CEP57L1: variants seen among roughly 807,000 people sequenced by gnomAD.
CEP57L1 encodes the protein centrosomal protein 57 like 1, also known as centrosomal protein CEP57L1.
Under a neutral mutation model 61.0 loss-of-function variants are expected in CEP57L1, and 37 were observed. That is an observed-to-expected ratio of 0.61 (90% CI 0.47 to 0.80). The LOEUF is 0.80. CEP57L1 is among the 30% of genes least tolerant of loss of function. CEP57L1 has a pLI of 0.00. For missense variants in CEP57L1, 422 were observed against 524.7 expected (o/e 0.80, Z 1.91); for synonymous variants, 137 against 162.3 (o/e 0.84, Z 1.19).
At chr6:109,102,409 A>G (rs1770417196) in intron 1 of CEP57L1, among the ~76,000 whole-genome samples, 1 of 152,190 alleles carries the variant, frequency 6.6e-6, no homozygotes, top group African/African-American at 2.4e-5. Flanking sequence ...CACAAGTCCT[A>G]TATCAGACCT....
At chr6:109,105,670 G>T (rs1369817803) in intron 1 of CEP57L1, among the ~76,000 whole-genome samples, 1 of 151,972 alleles carries the variant, frequency 6.6e-6, no homozygotes, top group African/African-American at 2.4e-5. Context: ...TTATCCCTAT[G>T]ATTCATATAG....
chr6:109,102,958 G>GT (rs1431578721), intron 1 of CEP57L1, among the ~76,000 whole-genome samples: 1 of 152,174 alleles, frequency 6.6e-6, no homozygotes, highest in East Asian at 1.9e-4. Flanking sequence ...GCTGAGTGCT[G>GT]TAAGTGAAAA....
At chr6:109,162,386 C>T (rs1773794423) in intron 10 of CEP57L1, among the ~76,000 whole-genome samples, 1 of 152,132 alleles carries the variant, frequency 6.6e-6, no homozygotes, top group East Asian at 1.9e-4. Flanking sequence ...TACAACCTTT[C>T]CCTCAATCTC....
intron 1 of CEP57L1, among the ~76,000 whole-genome samples, chr6:109,127,497 A>T (rs2041600587): frequency 6.6e-6 from 1 of 151,364 alleles, no homozygotes; most frequent in African/African-American, 2.4e-5. Flanking sequence ...CTCCTTTGTT[A>T]CCACTTTCTC....
intron 6 of CEP57L1, 147 bp downstream of exon 6, chr6:109,155,454 C>A: frequency 2.0e-6 from 1 of 493,198 alleles, no homozygotes; most frequent in Non-Finnish European, 3.5e-6. Flanking sequence ...CTCAGTCAGC[C>A]AGTATGATAC....
At chr6:109,117,854 G>C (rs1471075308) in intron 1 of CEP57L1, among the ~76,000 whole-genome samples, 2 of 152,174 alleles carry the variant, frequency 1.3e-5, no homozygotes, top group African/African-American at 4.8e-5. Flanking sequence ...CGACATCATA[G>C]GCTGTTCTCT....
intron 7 of CEP57L1, chr6:109,156,339 AT>A (rs1422969022): frequency 6.6e-6 from 1 of 151,878 alleles, no homozygotes. Context: ...ACAATAAAAA[AT>A]AAGGTTTTTC....
chr6:109,155,771 C>T lies in CEP57L1; in HGVS notation c.658-20C>T. The T allele has an allele frequency of 7.7e-7, 1 of 1,293,208 alleles. No individual in the cohort carries two copies. Among genetic ancestry groups the T allele is most frequent in the Non-Finnish European group, 1.1e-6 (1 of 904,080 alleles). The allele number at this position is 1,293,208 out of a possible 1,614,324, so 80.1% of individuals were successfully genotyped here. A position where few individuals can be genotyped will look rare whatever the true frequency, so the allele number is the denominator to read the frequency against. The stretch of plus-strand genomic sequence containing the variant: ...GCATGTTACAAATCAATGTTATAAC[C>T]TTTTTTTTAAATATTACAGCTTCAA... On this transcript the variant is annotated intron_variant, in intron 6 of 10. Transcript: ENST00000517392.
intron 9 of CEP57L1, 152 bp downstream of exon 9, chr6:109,159,614 T>G (rs1226910847): frequency 4.6e-6 from 3 of 646,450 alleles, no homozygotes; most frequent in Non-Finnish European, 8.0e-6. Context: ...TGGCCAGTAT[T>G]TTTATTCTTT....
In CEP57L1 at chr6:109,130,603, C is replaced by CTTTTTT. The variant is rs1292989571; in HGVS notation, c.-3-14609_-3-14604dup. 614 of 124,290 alleles carry CTTTTTT rather than the reference C, an allele frequency of 4.9e-3. 8 individuals carry two copies. Among genetic ancestry groups the CTTTTTT allele is most frequent in the African/African-American group, 0.018 (594 of 33,274 alleles). 7.7% of individuals were successfully genotyped at this position (124,290 alleles called of 1,614,324 possible). Reference sequence around the variant, plus strand: ...AATACATATGCAGAAGTGTGATTGTCTTTTTTTTTTTTGTGAAATTGACAT... The same window carrying CTTTTTT: ...AATACATATGCAGAAGTGTGATTGTCTTTTTTTTTTTTTTTTTTGTGAAATTGACAT... On this transcript the variant is annotated intron_variant, in intron 1 of 10. Coordinates refer to ENST00000517392, the MANE Select transcript of CEP57L1 (RefSeq NM_001271852.3).
intron 2 of CEP57L1, among the ~76,000 whole-genome samples, chr6:109,145,851 G>T (rs1221472885): frequency 1.3e-5 from 2 of 151,802 alleles, no homozygotes; most frequent in African/African-American, 4.8e-5. Context: ...AATGTAGGAG[G>T]ATCTTAAAAT....
intron 2 of CEP57L1, 53 bp downstream of exon 2, chr6:109,145,434 T>C: frequency 7.9e-7 from 1 of 1,259,340 alleles, no homozygotes; most frequent in Non-Finnish European, 1.1e-6. Context: ...TAAAAAACTT[T>C]TCATATTTAT....
intron 6 of CEP57L1, 99 bp downstream of exon 6, chr6:109,155,406 T>C: frequency 1.6e-6 from 1 of 637,632 alleles, no homozygotes; most frequent in Admixed American, 3.7e-5. Context: ...TTCTAATTTC[T>C]GCTTCCTAAA....
intron 1 of CEP57L1, among the ~76,000 whole-genome samples, chr6:109,131,410 T>C (rs1774189994): frequency 6.6e-6 from 1 of 152,096 alleles, no homozygotes; most frequent in African/African-American, 2.4e-5. Flanking sequence ...CCAGATAATA[T>C]TCATTTTACT....
chr6:109,158,864 G>A lies in CEP57L1; in HGVS notation c.745-161G>A, dbSNP rs536314497. The A allele has an allele frequency of 1.1e-4, 75 of 652,192 alleles. No individual in the cohort carries two copies. The South Asian group carries it at 1.2e-3, about 11-fold the overall frequency. The allele number at this position is 652,192 out of a possible 1,614,324, so 40.4% of individuals were successfully genotyped here. ...AATTAATGATGTTGAATATCTTTTCGTATGTTTGTCATACGTATGTCTATG... is the reference window on the plus strand; with the variant it reads ...AATTAATGATGTTGAATATCTTTTCATATGTTTGTCATACGTATGTCTATG... On this transcript the variant is annotated intron_variant, in intron 7 of 10. Transcript: ENST00000517392.
rs148898624 is a variant in CEP57L1 at position 109,169,039 on chromosome 6, G to A, written c.*6069G>A. On this transcript the variant is annotated 3_prime_UTR_variant, in exon 11 of 11. Coordinates refer to ENST00000517392, the MANE Select transcript of CEP57L1 (RefSeq NM_001271852.3). ...TCAGGAGTTCAAGACCACCCTGGGC[G>A]ACATGGTGAAATCCCATCTCTACTA... Among the ~76,000 whole-genome samples the A allele has an allele frequency of 7.5e-3, 1,140 of 151,304 alleles. 18 individuals are homozygous for A. The highest frequency in any genetic ancestry group is 0.026 in the African/African-American group (1,092 of 41,398).
intron 4 of CEP57L1, 78 bp downstream of exon 4, chr6:109,150,317 C>CTGA: frequency 6.6e-7 from 1 of 1,524,570 alleles, no homozygotes; most frequent in Non-Finnish European, 9.0e-7. Context: ...CGGGAAAATT[C>CTGA]AAAGGCAAAG....
At chr6:109,153,996 T>A in intron 5 of CEP57L1, 47 bp downstream of exon 5, 1 of 964,608 alleles carries the variant, frequency 1.0e-6, no homozygotes. Flanking sequence ...TCTTTAGTGT[T>A]AAGCATAATT....
intron 1 of CEP57L1, among the ~76,000 whole-genome samples, chr6:109,134,928 G>C (rs1439229379): frequency 6.6e-6 from 1 of 152,160 alleles, no homozygotes; most frequent in Middle Eastern, 3.2e-3. Context: ...ACAAACAAAT[G>C]GAAGAACATT....
Sources: gnomAD v4.1 joint callset for allele counts (sites outside exome capture counted in the v4.1 genomes callset) on GRCh38, gnomAD v4.1.1 for gene constraint, MANE v1.5 for transcripts, NCBI Gene and HGNC (gene_info 2026-07-23, HGNC 2026-07-21) for gene names.